CDH6: variants seen among roughly 807,000 people sequenced by gnomAD.
CDH6 encodes the protein cadherin-6.
CDH6 carries 31 observed loss-of-function variants against 78.0 expected under a neutral mutation model. The observed-to-expected ratio is 0.40, with a 90% CI of 0.30 to 0.54. The LOEUF is 0.54. Ranked by LOEUF, CDH6 falls within the 20% of genes least tolerant of loss-of-function variation. The pLI, the probability that CDH6 is intolerant of heterozygous loss-of-function variation, is 0.56. For synonymous variants in CDH6, 376 were observed against 368.8 expected (o/e 1.02, Z -0.23); for missense variants, 724 against 975.9 (o/e 0.74, Z 3.44).
In CDH6 at chr5:31,302,809, A is replaced by G. The variant is rs867576880; in HGVS notation, c.999+511A>G. On this transcript the variant is annotated intron_variant, in intron 6 of 11. Transcript: ENST00000265071. ...GAGAGAGAGAGAGAGAGAAAGAAAG[A>G]AAGAAAGAAAGAAAGAAAGAAAGAA... 2.0e-4 allele frequency among the ~76,000 whole-genome samples: 26 copies of G among 130,554 alleles called. 1 individual carries two copies. The highest frequency in any genetic ancestry group is 7.4e-4 in the African/African-American group (25 of 33,710). 85.6% of individuals were successfully genotyped at this position (130,554 alleles called of 152,430 possible). A position where few individuals can be genotyped will look rare whatever the true frequency, so the allele number is the denominator to read the frequency against.
chr5:31,214,539 G>C (rs900061642), intron 1 of CDH6, among the ~76,000 whole-genome samples: 1 of 152,034 alleles, frequency 6.6e-6, no homozygotes, highest in Non-Finnish European at 1.5e-5. Flanking sequence ...TATTAGCATA[G>C]GCCCATATGC....
intron 2 of CDH6, among the ~76,000 whole-genome samples, chr5:31,273,135 T>G (rs1286897938): frequency 6.6e-6 from 1 of 152,228 alleles, no homozygotes; most frequent in Non-Finnish European, 1.5e-5. Flanking sequence ...GTTACTATAA[T>G]TACATGATCC....
At chr5:31,267,762 T>A (rs1370765983) in intron 2 of CDH6, 61 bp downstream of exon 2, 6 of 1,205,466 alleles carry the variant, frequency 5.0e-6, no homozygotes, top group Non-Finnish European at 2.5e-6. Flanking sequence ...TTACTTCTAA[T>A]AAATAGATGG....
intron 1 of CDH6, among the ~76,000 whole-genome samples, chr5:31,235,734 TTTTTAACCCCAAATGAA>T (rs1324762528): frequency 6.6e-6 from 1 of 152,202 alleles, no homozygotes; most frequent in African/African-American, 2.4e-5. Context: ...ATGTTCTGGT[TTTTTAACCCCAAATGAA>T]AGGCCAAAAA....
intron 1 of CDH6, among the ~76,000 whole-genome samples, chr5:31,195,356 T>A (rs1740134446): frequency 6.6e-6 from 1 of 152,198 alleles, no homozygotes; most frequent in African/African-American, 2.4e-5. Context: ...ATATGCCTAG[T>A]TAATGTACAA....
chr5:31,270,777 G>A (rs76049999), intron 2 of CDH6, among the ~76,000 whole-genome samples: 4,276 of 151,964 alleles, frequency 0.028, 213 homozygotes, highest in African/African-American at 0.098. Context: ...GCTTACTGCA[G>A]CCTCGACTTC....
At chr5:31,199,669 A>ATGTGTGTGTGTGTGTGTG (rs763899210) in intron 1 of CDH6, among the ~76,000 whole-genome samples, 1 of 94,240 alleles carries the variant, frequency 1.1e-5, no homozygotes, top group Non-Finnish European at 2.1e-5. Flanking sequence ...GTGTGTGTGT[A>ATGTGTGTGTGTGTGTGTG]TGTGTGTGTG....
rs1742084317 is a variant in CDH6, at chr5:31,257,320, G to A, written c.-128-10026G>A. Among the ~76,000 whole-genome samples the A allele has an allele frequency of 2.6e-5, 4 of 152,174 alleles. No homozygotes were observed. The South Asian group carries it at 8.3e-4, about 32-fold the overall frequency. On this transcript the variant is annotated intron_variant, in intron 1 of 11. Transcript: ENST00000265071. ...TGGGACTACAGGTGCCCGCCACCAC[G>A]CTCGGCTAATTTTTTTGTATTTTTA...
At chr5:31,301,874 A>G (rs936519944) in intron 5 of CDH6, among the ~76,000 whole-genome samples, 43 of 152,206 alleles carry the variant, frequency 2.8e-4, no homozygotes, top group Non-Finnish European at 2.9e-4. Context: ...GAGCCTGTTT[A>G]CAGACAAGAA....
rs151043213 is a variant in CDH6, at chr5:31,328,175, C to CTTTTTTTTT, written c.*4880_*4888dup. 1 of 120,292 alleles carries CTTTTTTTTT rather than the reference C, an allele frequency of 8.3e-6. No individual in the cohort carries two copies. Among genetic ancestry groups the CTTTTTTTTT allele is most frequent in the Non-Finnish European group, 1.7e-5 (1 of 60,152 alleles). The allele number at this position is 120,292 out of a possible 1,614,324, so 7.5% of individuals were successfully genotyped here. A position where few individuals can be genotyped will look rare whatever the true frequency, so the allele number is the denominator to read the frequency against. On this transcript the variant is annotated 3_prime_UTR_variant, in exon 12 of 12. Transcript: ENST00000265071. ...AGAGCTTTTACAAGTTGCTTAATTC[C>CTTTTTTTTT]TTTTTTTTTTTTTTTTTTTTTCAAA...
chr5:31,267,451 A>C lies in CDH6; in HGVS notation c.-23A>C, dbSNP rs749811705. ...TCCAAGAGTGGGGCACTCACTACGCACAGACTCGACGGTGCCATCAGCATG... is the reference window on the plus strand; with the variant it reads ...TCCAAGAGTGGGGCACTCACTACGCCCAGACTCGACGGTGCCATCAGCATG... On this transcript the variant is annotated 5_prime_UTR_variant, in exon 2 of 12. Transcript: ENST00000265071. 1 of 1,593,876 alleles carries C rather than the reference A, an allele frequency of 6.3e-7. No homozygotes were observed. The highest frequency in any genetic ancestry group is 1.1e-5 in the South Asian group (1 of 90,724).
At chr5:31,246,966 G>A (rs1741768466) in intron 1 of CDH6, among the ~76,000 whole-genome samples, 3 of 152,138 alleles carry the variant, frequency 2.0e-5, no homozygotes, top group Admixed American at 6.6e-5. Flanking sequence ...AGCCAGGCTG[G>A]TCTTGAACTC....
chr5:31,210,737 T>G (rs1740681109), intron 1 of CDH6, among the ~76,000 whole-genome samples: 1 of 152,208 alleles, frequency 6.6e-6, no homozygotes, highest in Non-Finnish European at 1.5e-5. Context: ...TTATAATACC[T>G]AATACACTAT....
intron 1 of CDH6, among the ~76,000 whole-genome samples, chr5:31,240,309 A>C (rs1327588066): frequency 6.6e-6 from 1 of 152,198 alleles, no homozygotes. Context: ...GTCCTATGAA[A>C]CACACTTTGG....
intron 11 of CDH6, chr5:31,319,095 A>G (rs766498112): frequency 6.5e-5 from 12 of 183,250 alleles, no homozygotes; most frequent in Non-Finnish European, 1.0e-4. Context: ...AGAGAAAGAT[A>G]TGAATGTTCT....
intron 2 of CDH6, among the ~76,000 whole-genome samples, chr5:31,281,167 A>T (rs536680699): frequency 2.2e-4 from 33 of 152,216 alleles, no homozygotes; most frequent in Non-Finnish European, 3.5e-4. Context: ...TTTCAGGAAG[A>T]ACATGTTTTA....
chr5:31,281,856 C>A (rs1742875103), intron 2 of CDH6, among the ~76,000 whole-genome samples: 1 of 152,078 alleles, frequency 6.6e-6, no homozygotes, highest in Admixed American at 6.6e-5. Flanking sequence ...GCCTTGGTAT[C>A]CTTTCTGGCT....
In CDH6 at chr5:31,305,280, C is replaced by T. The variant is rs79909365; in HGVS notation, c.1106C>T (p.Thr369Met). 118 of 1,614,070 alleles carry T rather than the reference C, an allele frequency of 7.3e-5. No individual in the cohort carries two copies. In the East Asian group the frequency reaches 8.5e-4, roughly 12 times the overall value. The part of the protein sequence containing the change: ...LYLGPFKDSA[T>M]VRIVVEDVDE... ...TTGGGGCCTTTCAAAGATTCAGCCA[C>T]GGTTAGAATTGTGGTGGAGGATGTA... Residue 369 changes from threonine to methionine, a missense_variant, in exon 7 of 12, where the codon ACG (threonine) becomes ATG (methionine). By Grantham distance (81) the Thr-to-Met change is moderately conservative (BLOSUM62 -1). Coordinates refer to ENST00000265071, the MANE Select transcript of CDH6 (RefSeq NM_004932.4).
chr5:31,227,797 C>T (rs1741200646), intron 1 of CDH6, among the ~76,000 whole-genome samples: 2 of 152,296 alleles, frequency 1.3e-5, no homozygotes, highest in Middle Eastern at 6.8e-3. Context: ...CCTGAGGGAA[C>T]GGACCCCTAC....
Sources: allele counts gnomAD v4.1 joint callset (sites outside exome capture counted in the v4.1 genomes callset), GRCh38; gene constraint gnomAD v4.1.1; transcripts MANE v1.5; gene names NCBI Gene and HGNC (gene_info 2026-07-23, HGNC 2026-07-21).